OGDH: variants seen among roughly 807,000 people sequenced by gnomAD.
OGDH encodes the protein oxoglutarate dehydrogenase.
A neutral mutation model predicts 116.6 loss-of-function variants in OGDH; 38 were observed. The observed-to-expected ratio is 0.33, with a 90% CI of 0.25 to 0.43. The LOEUF (loss-of-function observed/expected upper bound fraction) is 0.43. Ranked by LOEUF, OGDH falls within the 20% of genes least tolerant of loss-of-function variation. The pLI is 1.00. For synonymous variants in OGDH, 488 were observed against 533.3 expected (o/e 0.92, Z 1.17); for missense variants, 825 against 1,357.2 (o/e 0.61, Z 6.16).
chr7:44,682,415 G>A (rs1787967428), intron 10 of OGDH, among the ~76,000 whole-genome samples: 1 of 151,044 alleles, frequency 6.6e-6, no homozygotes, highest in African/African-American at 2.4e-5. Context: ...AAAAAAGTTA[G>A]CACCGGGCAT....
At chr7:44,684,498 T>C (rs541814375) in intron 10 of OGDH, among the ~76,000 whole-genome samples, 3 of 152,164 alleles carry the variant, frequency 2.0e-5, no homozygotes, top group Non-Finnish European at 4.4e-5. Context: ...ACACACAATA[T>C]GGTAAAAGCT....
rs895592650 is a variant in OGDH, at chr7:44,666,485, T to C, written c.518-251T>C. The C allele has an allele frequency of 1.6e-5, 4 of 255,052 alleles. No homozygotes were observed. The Admixed American group carries it at 1.6e-4, about 10-fold the overall frequency. The allele number at this position is 255,052 out of a possible 1,614,324, so 15.8% of individuals were successfully genotyped here. ...ATAATTGGTGTACTTAACTAACTTA[T>C]GCATAATATGAATTTTATTGTGACT... is the stretch of plus-strand genomic sequence containing the variant. On this transcript the variant is annotated intron_variant, in intron 4 of 22. Coordinates refer to ENST00000222673, the MANE Select transcript of OGDH (RefSeq NM_002541.4).
At chr7:44,633,735 A>G (rs189935330) in intron 2 of OGDH, among the ~76,000 whole-genome samples, 73 of 152,246 alleles carry the variant, frequency 4.8e-4, no homozygotes, top group Middle Eastern at 6.8e-3. Context: ...GGTTCCCCCA[A>G]ATAGGGTTGC....
At chr7:44,630,291 G>A (rs980779134) in intron 2 of OGDH, among the ~76,000 whole-genome samples, 5 of 152,192 alleles carry the variant, frequency 3.3e-5, no homozygotes, top group Admixed American at 6.5e-5. Flanking sequence ...CCTCCTAGCC[G>A]CTGCATGTGC....
intron 4 of OGDH, among the ~76,000 whole-genome samples, chr7:44,657,901 C>G (rs1049831621): frequency 6.6e-6 from 1 of 151,974 alleles, no homozygotes; most frequent in Non-Finnish European, 1.5e-5. Context: ...AAAACTCTGT[C>G]TTTCCTTCAT....
At chr7:44,609,719 T>A (rs994419112) in intron 1 of OGDH, among the ~76,000 whole-genome samples, 23 of 152,330 alleles carry the variant, frequency 1.5e-4, no homozygotes, top group Non-Finnish European at 3.1e-4. Context: ...TGCCCAGGAA[T>A]ACAATCACTA....
intron 9 of OGDH, chr7:44,676,382 T>A: frequency 2.4e-6 from 2 of 837,602 alleles, no homozygotes; most frequent in Non-Finnish European, 3.5e-6. Flanking sequence ...ATGGAGAAAC[T>A]CCATCTCTAC....
intron 1 of OGDH, among the ~76,000 whole-genome samples, chr7:44,612,395 T>C (rs1163703800): frequency 1.3e-5 from 2 of 152,176 alleles, no homozygotes; most frequent in Non-Finnish European, 2.9e-5. Flanking sequence ...TTCTTTTTTT[T>C]TTCTTGTGAC....
At chr7:44,643,688 C>T (rs936522955) in intron 2 of OGDH, among the ~76,000 whole-genome samples, 6 of 152,226 alleles carry the variant, frequency 3.9e-5, no homozygotes, top group African/African-American at 1.2e-4. Context: ...TCTCTACCTT[C>T]TGGTCTCCAG....
intron 9 of OGDH, among the ~76,000 whole-genome samples, chr7:44,679,122 G>A (rs937576706): frequency 1.9e-4 from 29 of 152,174 alleles, no homozygotes; most frequent in Admixed American, 1.9e-3. Flanking sequence ...GTGCAGTATG[G>A]CATGGTAGTC....
intron 9 of OGDH, among the ~76,000 whole-genome samples, chr7:44,679,038 G>A (rs1248083846): frequency 6.6e-6 from 1 of 152,182 alleles, no homozygotes. Flanking sequence ...CCTGCCAGAG[G>A]TATGGCTCAG....
At chr7:44,696,640 C>T (rs1474767794) in intron 14 of OGDH, 83 bp downstream of exon 14, 56 of 1,326,304 alleles carry the variant, frequency 4.2e-5, no homozygotes, top group Middle Eastern at 2.3e-4. Flanking sequence ...CCTTGGCCCC[C>T]ACCCATCATG....
intron 2 of OGDH, among the ~76,000 whole-genome samples, chr7:44,631,972 A>G (rs3757567): frequency 0.1 from 15,640 of 152,222 alleles, 1,573 homozygotes; most frequent in East Asian, 0.44. Context: ...AAGGAGCCCA[A>G]CAGGGGCTCA....
chr7:44,703,898 A>C (rs1788950906), intron 20 of OGDH, among the ~76,000 whole-genome samples: 1 of 151,966 alleles, frequency 6.6e-6, no homozygotes, highest in South Asian at 2.1e-4. Flanking sequence ...AAAAAAAAAA[A>C]GACTGAATAA....
chr7:44,623,934 G>A (rs1034897543), intron 1 of OGDH, among the ~76,000 whole-genome samples: 1 of 152,120 alleles, frequency 6.6e-6, no homozygotes, highest in Non-Finnish European at 1.5e-5. Flanking sequence ...GTGAGCCACC[G>A]AGTCTGGCCT....
intron 10 of OGDH, among the ~76,000 whole-genome samples, chr7:44,685,678 G>A (rs1165635640): frequency 6.6e-6 from 1 of 151,756 alleles, no homozygotes; most frequent in Admixed American, 6.6e-5. Context: ...AAGTGCAGTG[G>A]TGTGATCATA....
rs1340404103 is a variant in OGDH at position 44,637,725 on chromosome 7, A to G, written c.223-7602A>G. ...CTGGGGAGGCTGAGGCAGGAGAATC[A>G]CTTGAAACCGGGATGGGGGTTGGGG... is the stretch of plus-strand genomic sequence containing the variant. On this transcript the variant is annotated intron_variant, in intron 2 of 22. Transcript: ENST00000222673. Among the ~76,000 whole-genome samples the G allele has an allele frequency of 2.6e-5, 4 of 151,650 alleles. No individual in the cohort carries two copies. The East Asian group carries it at 5.8e-4, about 22-fold the overall frequency.
chr7:44,634,461 C>G (rs1220718993), intron 2 of OGDH, among the ~76,000 whole-genome samples: 1 of 152,310 alleles, frequency 6.6e-6, no homozygotes, highest in Non-Finnish European at 1.5e-5. Flanking sequence ...ATTCTGATAT[C>G]AGTAGATTCC....
At chr7:44,642,691 A>G (rs1261379140) in intron 2 of OGDH, among the ~76,000 whole-genome samples, 1 of 152,226 alleles carries the variant, frequency 6.6e-6, no homozygotes, top group Non-Finnish European at 1.5e-5. Flanking sequence ...TGGGAGGCCA[A>G]GGCGGGTGGA....
Sources: gnomAD v4.1 joint callset for allele counts (sites outside exome capture counted in the v4.1 genomes callset) on GRCh38, gnomAD v4.1.1 for gene constraint, MANE v1.5 for transcripts, NCBI Gene and HGNC (gene_info 2026-07-23, HGNC 2026-07-21) for gene names.